Variants in RAD17 observed in about 807,000 individuals in gnomAD.
RAD17 encodes RAD17 checkpoint clamp loader component.
A neutral mutation model predicts 81.5 loss-of-function variants in RAD17; 31 were observed. The observed-to-expected ratio is 0.38, with a 90% confidence interval of 0.29 to 0.51. The LOEUF (loss-of-function observed/expected upper bound fraction) is 0.51, where lower values mean the gene tolerates loss of function less well. Ranked by LOEUF, RAD17 falls within the 20% of genes least tolerant of loss-of-function variation. RAD17 has a pLI of 0.88. For missense variants in RAD17, 681 were observed against 781.2 expected (o/e 0.87, Z 1.53); for synonymous variants, 261 against 266.2 (o/e 0.98, Z 0.19).
chr5:69,405,342 AAC>A (rs1363866802), intron 17 of RAD17, among the ~76,000 whole-genome samples: 11 of 150,960 alleles, frequency 7.3e-5, no homozygotes, highest in Non-Finnish European at 1.3e-4. Flanking sequence ...CTCTACTAAA[AAC>A]ACACACACAA....
upstream of RAD17, chr5:69,369,658 T>C: frequency 6.4e-7 from 1 of 1,558,980 alleles, no homozygotes. Flanking sequence ...ACTGGTTACC[T>C]GGCTTTCGAT....
intron 6 of RAD17, among the ~76,000 whole-genome samples, chr5:69,376,935 A>G (rs113815753): frequency 3.2e-4 from 49 of 152,052 alleles, no homozygotes; most frequent in African/African-American, 1.1e-3. Flanking sequence ...TGTATTTTTA[A>G]TAGAGACAGG....
rs1203678713 is a variant in RAD17, at chr5:69,386,399, C to T, written c.828C>T (p.Phe276=). The part of the protein sequence containing the change: ...QEECSISNIS[F]NPVAPTIMMK... ...TATCTTTCTTTATAAAACTTAGTTT[C>T]AACCCTGTGGCACCAACAATTATGA... is the stretch of plus-strand genomic sequence containing the variant. The change falls in exon 11 of 19, where the codon TTC becomes TTT. Residue 276 remains phenylalanine, a synonymous_variant. Transcript: ENST00000354868. 4 of 1,597,278 alleles carry T rather than the reference C, an allele frequency of 2.5e-6. No individual in the cohort carries two copies. In the Admixed American group the frequency reaches 7.0e-5, roughly 28 times the overall value.
At chr5:69,370,582 TC>T (rs1051176203) in intron 1 of RAD17, 4 of 152,184 alleles carry the variant, frequency 2.6e-5, no homozygotes, top group African/African-American at 9.7e-5. Context: ...CCTCAGATGA[TC>T]CGCCCGCCTC....
Position 69,386,220 on chromosome 5 carries a change from A to G in RAD17, c.739A>G (p.Ile247Val). Reference sequence around the variant, plus strand: ...TGGTCGATGTCCTCTTATATTTATAATCTCGGACAGTCTCAGTGGAGATAA... The same window carrying G: ...TGGTCGATGTCCTCTTATATTTATAGTCTCGGACAGTCTCAGTGGAGATAA... ...RIGRCPLIFI[I>V]SDSLSGDNNQ... The change falls in exon 10 of 19, where the codon ATC becomes GTC. Residue 247 changes from isoleucine (I) to valine (V), a missense_variant. Coordinates refer to ENST00000354868, the MANE Select transcript of RAD17 (RefSeq NM_133338.3). The G allele has an allele frequency of 8.1e-6, 13 of 1,608,882 alleles. No homozygotes were observed. The highest frequency in any genetic ancestry group is 1.1e-5 in the Non-Finnish European group (13 of 1,176,852).
intron 17 of RAD17, among the ~76,000 whole-genome samples, chr5:69,406,554 T>C (rs1456930665): frequency 6.6e-6 from 1 of 152,184 alleles, no homozygotes; most frequent in African/African-American, 2.4e-5. Flanking sequence ...CAAGCTGGAT[T>C]GTGGTGGTAT....
intron 7 of RAD17, among the ~76,000 whole-genome samples, chr5:69,382,671 C>T (rs1242607956): frequency 3.9e-5 from 6 of 151,936 alleles, no homozygotes. Flanking sequence ...AAAGAACTTG[C>T]CCCCCAACAA....
chr5:69,411,876 C>T (rs769593085), intron 18 of RAD17, among the ~76,000 whole-genome samples: 4 of 152,178 alleles, frequency 2.6e-5, no homozygotes, highest in Non-Finnish European at 5.9e-5. Flanking sequence ...GCAATTTACA[C>T]AAGGCTAAAT....
rs183703368 is a variant in RAD17 at position 69,376,919 on chromosome 5, A to G, written c.351+2208A>G. The stretch of plus-strand genomic sequence containing the variant: ...CAGGCATGCGCCACCACACGCAGCT[A>G]ATTTTTGTATTTTTAATAGAGACAG... On this transcript the variant is annotated intron_variant, in intron 6 of 18. Coordinates refer to ENST00000354868, the MANE Select transcript of RAD17 (RefSeq NM_133338.3). 1.0e-3 allele frequency among the ~76,000 whole-genome samples: 154 copies of G among 152,050 alleles called. 1 individual carries two copies. The highest frequency in any genetic ancestry group is 3.6e-3 in the African/African-American group (151 of 41,490).
intron 6 of RAD17, among the ~76,000 whole-genome samples, chr5:69,375,645 T>C (rs1031830200): frequency 6.6e-6 from 1 of 152,004 alleles, no homozygotes; most frequent in African/African-American, 2.4e-5. Context: ...TTTAAAAAAA[T>C]GATTTTCCTA....
At position 69,384,851 on chromosome 5, in the gene RAD17, TTC is replaced by T; in HGVS notation, c.565_566del (p.Leu189ThrfsTer7). The T allele has an allele frequency of 6.2e-7, 1 of 1,612,862 alleles. No individual in the cohort carries two copies. Among genetic ancestry groups the T allele is most frequent in the Non-Finnish European group, 8.5e-7 (1 of 1,178,960 alleles). ...TCTCAGATAGCAGTTTTCAAAGAGT[TTC>T]TACTAAGAGCGACAAAGTATAACAA... On this transcript the variant is annotated frameshift_variant, in exon 8 of 19. Coordinates refer to ENST00000354868, the MANE Select transcript of RAD17 (RefSeq NM_133338.3). LOFTEE classifies it high-confidence loss of function.
intron 6 of RAD17, among the ~76,000 whole-genome samples, chr5:69,375,936 A>G (rs1490317382): frequency 6.6e-6 from 1 of 151,938 alleles, no homozygotes; most frequent in Non-Finnish European, 1.5e-5. Flanking sequence ...GAAGTCTCAC[A>G]CTGGATTTGT....
At chr5:69,369,343 TG>T, upstream of RAD17, 1 of 1,075,332 alleles carries the variant, frequency 9.3e-7, no homozygotes, top group Non-Finnish European at 1.2e-6. Context: ...AACCGCCTCG[TG>T]GCCCTCGGCC....
At chr5:69,412,803 A>T (rs967711335) in intron 18 of RAD17, among the ~76,000 whole-genome samples, 2 of 152,178 alleles carry the variant, frequency 1.3e-5, no homozygotes, top group Admixed American at 1.3e-4. Flanking sequence ...AGCCTGGCCA[A>T]CATGGTGAAA....
intron 8 of RAD17, among the ~76,000 whole-genome samples, chr5:69,385,648 A>G (rs928177181): frequency 2.6e-5 from 4 of 152,212 alleles, no homozygotes; most frequent in Non-Finnish European, 4.4e-5. Context: ...ACTTGTCTCT[A>G]TAGTAGTGAT....
At chr5:69,385,009 G>C (rs1469501964) in intron 8 of RAD17, 76 bp downstream of exon 8, 5 of 1,278,866 alleles carry the variant, frequency 3.9e-6, no homozygotes, top group African/African-American at 1.5e-5. Context: ...ACCCAGGCTG[G>C]AGTGCAGTGG....
intron 6 of RAD17, among the ~76,000 whole-genome samples, chr5:69,377,759 T>C (rs1307334628): frequency 6.8e-6 from 1 of 146,116 alleles, no homozygotes; most frequent in Non-Finnish European, 1.5e-5. Context: ...CCCTAAGGAG[T>C]TGGACTTTAA....
upstream of RAD17, chr5:69,369,698 G>C: frequency 1.3e-6 from 2 of 1,552,848 alleles, no homozygotes. Flanking sequence ...GTTGGAGGGT[G>C]GGCATAACTC....
At chr5:69,380,811 A>G (rs1426266187) in intron 6 of RAD17, among the ~76,000 whole-genome samples, 2 of 150,812 alleles carry the variant, frequency 1.3e-5, no homozygotes, top group African/African-American at 4.9e-5. Context: ...TCTAATGTGC[A>G]GGATGGAGTG....
Sources: allele counts gnomAD v4.1 joint callset (sites outside exome capture counted in the v4.1 genomes callset), GRCh38; gene constraint gnomAD v4.1.1; transcripts MANE v1.5; gene names NCBI Gene and HGNC (gene_info 2026-07-23, HGNC 2026-07-21).